The following MEI4 variants were observed in gnomAD, a reference collection of about 807,000 sequenced individuals.
MEI4 encodes the protein meiosis-specific protein MEI4.
MEI4 carries 27 observed loss-of-function variants against 31.4 expected under a neutral mutation model. The ratio of observed to expected loss-of-function variants is 0.86; its 90% CI spans 0.63 to 1.19. The LOEUF is 1.19. Ranked by LOEUF, MEI4 falls within the 50% of genes most tolerant of loss-of-function variation. MEI4 has a pLI of 0.00. For missense variants in MEI4, 329 were observed against 398.9 expected, an observed-to-expected ratio of 0.82 and a Z score of 1.49; for synonymous variants, 122 against 145.4, an observed-to-expected ratio of 0.84 and a Z score of 1.16.
intron 2 of MEI4, among the ~76,000 whole-genome samples, chr6:77,726,392 A>C (rs1766821661): frequency 6.6e-6 from 1 of 152,126 alleles, no homozygotes; most frequent in African/African-American, 2.4e-5. Flanking sequence ...AGATCCAAAC[A>C]CCTGAGACTG....
intron 3 of MEI4, among the ~76,000 whole-genome samples, chr6:77,794,054 G>C (rs1318945095): frequency 3.9e-5 from 6 of 152,052 alleles, no homozygotes; most frequent in Non-Finnish European, 8.8e-5. Context: ...TGCCTACAAG[G>C]AACTCACTTC....
At chr6:77,826,398 T>C (rs1351806589) in intron 3 of MEI4, among the ~76,000 whole-genome samples, 1 of 152,222 alleles carries the variant, frequency 6.6e-6, no homozygotes, top group African/African-American at 2.4e-5. Flanking sequence ...TATAATATTC[T>C]GATCAACTGC....
At chr6:77,731,834 G>C (rs1767003534) in intron 2 of MEI4, among the ~76,000 whole-genome samples, 1 of 152,004 alleles carries the variant, frequency 6.6e-6, no homozygotes, top group Admixed American at 6.6e-5. Flanking sequence ...TCCAGTTTCA[G>C]CTTTCTACAT....
intron 3 of MEI4, among the ~76,000 whole-genome samples, chr6:77,824,166 T>C (rs187390318): frequency 2.9e-4 from 44 of 152,312 alleles, no homozygotes; most frequent in African/African-American, 9.6e-4. Flanking sequence ...CTCGACTCAC[T>C]GCAACCTCCA....
rs145406963 is a variant in MEI4 at position 77,660,591 on chromosome 6, G to A, written c.-15+7499G>A. On this transcript the variant is annotated intron_variant, in intron 1 of 4. Transcript: ENST00000684080. ...TGGCCTAAGTGGTGGGGGTGACTTC[G>A]TAAAGCCCTGTCGCAAAAGTAGGGT... is the stretch of plus-strand genomic sequence containing the variant. Among the ~76,000 whole-genome samples the A allele has an allele frequency of 5.3e-3, 801 of 152,126 alleles. 14 individuals are homozygous for A. The highest frequency in any genetic ancestry group is 0.018 in the African/African-American group (758 of 41,464).
intron 1 of MEI4, among the ~76,000 whole-genome samples, chr6:77,669,692 G>A (rs552430263): frequency 9.2e-5 from 14 of 152,230 alleles, no homozygotes; most frequent in South Asian, 2.1e-4. Flanking sequence ...TGTCTGTATC[G>A]TAATAGCTAA....
intron 4 of MEI4, among the ~76,000 whole-genome samples, chr6:77,850,445 C>T (rs1395248405): frequency 6.6e-6 from 1 of 152,048 alleles, no homozygotes; most frequent in South Asian, 2.1e-4. Flanking sequence ...GAGATAGAGA[C>T]CAATGGAACA....
intron 4 of MEI4, among the ~76,000 whole-genome samples, chr6:77,855,733 T>A (rs1390372240): frequency 6.6e-6 from 1 of 152,146 alleles, no homozygotes; most frequent in African/African-American, 2.4e-5. Flanking sequence ...AAATGAAAAT[T>A]GAAAGAGTGG....
chr6:77,732,726 C>A (rs1767046308), intron 2 of MEI4, among the ~76,000 whole-genome samples: 1 of 152,004 alleles, frequency 6.6e-6, no homozygotes, highest in Non-Finnish European at 1.5e-5. Context: ...GGGAATGCTT[C>A]CAGTTTTTGC....
intron 3 of MEI4, among the ~76,000 whole-genome samples, chr6:77,807,440 G>C (rs1217355488): frequency 6.6e-6 from 1 of 151,926 alleles, no homozygotes; most frequent in Non-Finnish European, 1.5e-5. Flanking sequence ...TACAAAAGTA[G>C]GGATGAACAA....
chr6:77,655,795 T>A (rs910000310), intron 1 of MEI4, among the ~76,000 whole-genome samples: 2 of 152,176 alleles, frequency 1.3e-5, no homozygotes, highest in African/African-American at 4.8e-5. Flanking sequence ...AGATTTTTAG[T>A]ATCTTGTTCT....
intron 1 of MEI4, among the ~76,000 whole-genome samples, chr6:77,679,533 G>C (rs1044376302): frequency 1.3e-5 from 1 of 76,188 alleles, no homozygotes; most frequent in Non-Finnish European, 2.7e-5. Flanking sequence ...GCCTAAGGAT[G>C]GATTTCTTGG....
At chr6:77,667,452 C>A (rs1768660884) in intron 1 of MEI4, among the ~76,000 whole-genome samples, 1 of 152,096 alleles carries the variant, frequency 6.6e-6, no homozygotes. Flanking sequence ...TGATTCCTTA[C>A]CTGGAATTAA....
chr6:77,744,254 C>G (rs1767514252), intron 2 of MEI4, among the ~76,000 whole-genome samples: 1 of 151,854 alleles, frequency 6.6e-6, no homozygotes, highest in Admixed American at 6.6e-5. Context: ...CTAGAATAAC[C>G]AATACAGAGA....
intron 2 of MEI4, among the ~76,000 whole-genome samples, chr6:77,697,197 T>C (rs542294155): frequency 2.2e-4 from 33 of 152,346 alleles, no homozygotes; most frequent in African/African-American, 7.9e-4. Context: ...ATCAATTTTG[T>C]TGATCTTTTC....
intron 2 of MEI4, among the ~76,000 whole-genome samples, chr6:77,732,292 C>T (rs1199422458): frequency 2.6e-5 from 4 of 152,026 alleles, no homozygotes; most frequent in Non-Finnish European, 1.5e-5. Flanking sequence ...TTTTTATCCT[C>T]TTTTATTTCC....
At chr6:77,727,406 C>T (rs1582064853) in intron 2 of MEI4, among the ~76,000 whole-genome samples, 2 of 152,218 alleles carry the variant, frequency 1.3e-5, no homozygotes, top group East Asian at 3.9e-4. Context: ...ATTTCCTTGG[C>T]AAAGGCTAAG....
At chr6:77,719,061 C>T (rs1766653183) in intron 2 of MEI4, among the ~76,000 whole-genome samples, 1 of 134,734 alleles carries the variant, frequency 7.4e-6, no homozygotes, top group African/African-American at 2.8e-5. Context: ...TTATGTTTGT[C>T]TAAACTTTCT....
chr6:77,821,013 T>C (rs1769811519), intron 3 of MEI4, among the ~76,000 whole-genome samples: 1 of 152,130 alleles, frequency 6.6e-6, no homozygotes, highest in Non-Finnish European at 1.5e-5. Context: ...ACATCATTTC[T>C]CTTTCCTATA....
Sources: allele counts gnomAD v4.1 joint callset (sites outside exome capture counted in the v4.1 genomes callset), GRCh38; gene constraint gnomAD v4.1.1; transcripts MANE v1.5; gene names NCBI Gene and HGNC (gene_info 2026-07-23, HGNC 2026-07-21).